ZCCHC4: variants seen among roughly 807,000 people sequenced by gnomAD.
ZCCHC4 encodes the protein zinc finger CCHC-type containing 4.
Under a neutral mutation model 67.7 loss-of-function variants are expected in ZCCHC4, and 54 were observed. The observed-to-expected ratio is 0.80, with a 90% CI of 0.64 to 1.00. The LOEUF is 1.00. ZCCHC4 is among the 50% of genes least tolerant of loss of function. The probability of loss-of-function intolerance (pLI) is 0.00; values close to 1 mark genes in which losing one functional copy is unlikely to be tolerated. For missense variants in ZCCHC4, 609 were observed against 617.0 expected, an observed-to-expected ratio of 0.99 and a Z score of 0.14; for synonymous variants, 198 against 213.5, an observed-to-expected ratio of 0.93 and a Z score of 0.63.
intron 12 of ZCCHC4, chr4:25,365,635 A>C (rs894328334): frequency 1.7e-5 from 17 of 985,870 alleles, no homozygotes; most frequent in Non-Finnish European, 2.0e-5. Context: ...AATTTTAAGA[A>C]AAATATTTAG....
chr4:25,363,836 C>T (rs943055422), intron 10 of ZCCHC4, among the ~76,000 whole-genome samples: 1 of 152,042 alleles, frequency 6.6e-6, no homozygotes, highest in African/African-American at 2.4e-5. Flanking sequence ...GACAGTCACA[C>T]AAACTAAAGA....
rs1720633746 is a variant in ZCCHC4 at position 25,359,365 on chromosome 4, GAGTT to G, written c.1012-2491_1012-2488del. Among the ~76,000 whole-genome samples the G allele has an allele frequency of 6.6e-6, 1 of 152,140 alleles. No individual in the cohort carries two copies. The highest frequency in any genetic ancestry group is 2.4e-5 in the African/African-American group (1 of 41,434). ...GGCCTGGCTACACAGCTCAGAAAAA[GAGTT>G]AGAAGCTGCCATGAATGGGGACCTC... On this transcript the variant is annotated intron_variant, in intron 8 of 12. Coordinates refer to ENST00000302874, the MANE Select transcript of ZCCHC4 (RefSeq NM_024936.3). The surrounding 1 kb of genome is among the most constrained non-coding windows in gnomAD (Gnocchi z 4.9).
At chr4:25,365,655 A>G (rs1212809787) in intron 12 of ZCCHC4, 2 of 984,896 alleles carry the variant, frequency 2.0e-6, no homozygotes, top group African/African-American at 1.7e-5. Flanking sequence ...GACATGCTTA[A>G]TGCTTAAATA....
intron 5 of ZCCHC4, among the ~76,000 whole-genome samples, chr4:25,342,628 C>A (rs1719809713): frequency 6.6e-6 from 1 of 151,956 alleles, no homozygotes; most frequent in African/African-American, 2.4e-5. Context: ...CACTTGGTAA[C>A]TGACTCTCAT....
At chr4:25,349,429 T>A in intron 6 of ZCCHC4, 63 bp from the exon 7 acceptor site, 4 of 1,535,862 alleles carry the variant, frequency 2.6e-6, no homozygotes, top group Non-Finnish European at 3.6e-6. Flanking sequence ...TGCATTCTCC[T>A]CCAAATAGGA....
intron 3 of ZCCHC4, among the ~76,000 whole-genome samples, chr4:25,317,704 CAAAAAAAAAAAAA>C (rs778867924): frequency 1.4e-5 from 1 of 72,350 alleles, no homozygotes; most frequent in African/African-American, 4.9e-5. Context: ...GACGCTGTCA[CAAAAAAAAAAAAA>C]AAAAAAAAAG....
intron 8 of ZCCHC4, 122 bp from the exon 9 acceptor site, chr4:25,361,737 C>T (rs1720747039): frequency 9.5e-7 from 1 of 1,051,818 alleles, no homozygotes; most frequent in Non-Finnish European, 1.3e-6. Flanking sequence ...GAACCTGACA[C>T]TTGGCATGAC....
chr4:25,327,322 T>C (rs1184996347), intron 3 of ZCCHC4, among the ~76,000 whole-genome samples: 1 of 152,154 alleles, frequency 6.6e-6, no homozygotes, highest in African/African-American at 2.4e-5. Context: ...AGGTTTTTCT[T>C]TGATGCCCTT....
chr4:25,344,581 G>A (rs560346598), intron 5 of ZCCHC4, among the ~76,000 whole-genome samples: 1 of 151,428 alleles, frequency 6.6e-6, no homozygotes, highest in African/African-American at 2.4e-5. Flanking sequence ...CCTGCACATT[G>A]TGCACATGTA....
intron 3 of ZCCHC4, among the ~76,000 whole-genome samples, chr4:25,327,352 C>G (rs977074442): frequency 5.3e-5 from 8 of 151,776 alleles, no homozygotes; most frequent in African/African-American, 1.9e-4. Flanking sequence ...GTAGAAGTGC[C>G]CTTCTATTTC....
intron 3 of ZCCHC4, 147 bp downstream of exon 3, chr4:25,315,547 C>A (rs1718214749): frequency 3.6e-6 from 2 of 560,256 alleles, no homozygotes; most frequent in Non-Finnish European, 2.9e-6. Flanking sequence ...TAATCATTTT[C>A]AAGTGTGCAA....
At position 25,369,582 on chromosome 4, in the gene ZCCHC4, T is replaced by C. The variant is rs1000816616; in HGVS notation, c.*418T>C. On this transcript the variant is annotated 3_prime_UTR_variant, in exon 13 of 13. Coordinates refer to ENST00000302874, the MANE Select transcript of ZCCHC4 (RefSeq NM_024936.3). ...CTGAGTAGCTGGAATTATAGGCACA[T>C]GCCACCACGACTGGCTAATTTTTGT... 1.2e-5 allele frequency: 2 copies of C among 162,714 alleles called. No homozygotes were observed. The highest frequency in any genetic ancestry group is 2.6e-5 in the Non-Finnish European group (2 of 75,710). 10.1% of individuals were successfully genotyped at this position (162,714 alleles called of 1,614,324 possible).
chr4:25,315,299 G>C lies in ZCCHC4; in HGVS notation c.247-19G>C, dbSNP rs1468069569. 1 of 1,602,522 alleles carries C rather than the reference G, an allele frequency of 6.2e-7. No homozygotes were observed. The highest frequency in any genetic ancestry group is 8.5e-7 in the Non-Finnish European group (1 of 1,174,636). On this transcript the variant is annotated intron_variant, in intron 2 of 12. Coordinates refer to ENST00000302874, the MANE Select transcript of ZCCHC4 (RefSeq NM_024936.3). Reference sequence around the variant, plus strand: ...AGATATTTCACAGTTTATTCAATGGGTTTTGTACTCTCTTTCAGTTGTCAG... The same window carrying C: ...AGATATTTCACAGTTTATTCAATGGCTTTTGTACTCTCTTTCAGTTGTCAG...
chr4:25,349,120 G>T (rs1173046235), intron 6 of ZCCHC4, among the ~76,000 whole-genome samples: 1 of 152,190 alleles, frequency 6.6e-6, no homozygotes, highest in Non-Finnish European at 1.5e-5. Flanking sequence ...TGTGTGCCCA[G>T]TGCTTAGCAC....
At chr4:25,332,834 T>C (rs559309842) in intron 3 of ZCCHC4, among the ~76,000 whole-genome samples, 1 of 152,326 alleles carries the variant, frequency 6.6e-6, no homozygotes, top group South Asian at 2.1e-4. Flanking sequence ...AGATAAAAGT[T>C]AGACATGTGG....
intron 5 of ZCCHC4, among the ~76,000 whole-genome samples, chr4:25,334,304 A>G (rs1252337532): frequency 1.3e-5 from 2 of 152,234 alleles, no homozygotes; most frequent in Non-Finnish European, 2.9e-5. Context: ...TTCAAAGATA[A>G]TTCTAAACTG....
chr4:25,360,869 CTAGTACTG>C (rs1225781638), intron 8 of ZCCHC4, among the ~76,000 whole-genome samples: 1 of 152,214 alleles, frequency 6.6e-6, no homozygotes, highest in Non-Finnish European at 1.5e-5. Flanking sequence ...GCAGTCCAAC[CTAGTACTG>C]ATACCATATG....
At position 25,333,203 on chromosome 4, in the gene ZCCHC4, T is replaced by C; in HGVS notation, c.350T>C (p.Leu117Ser). ...TGAAGGTACTTGAAGTTTATTGAGTTGCCCTTGACTCAGAGAAAGTTTTGT... is the reference window on the plus strand; with the variant it reads ...TGAAGGTACTTGAAGTTTATTGAGTCGCCCTTGACTCAGAGAAAGTTTTGT... ...CVERYLKFIE[L>S]PLTQRKFCQT... The change falls in exon 4 of 13, where the codon TTG becomes TCG. Residue 117 changes from leucine (L) to serine (S), a missense_variant. By Grantham distance (145) the Leu-to-Ser change is moderately radical. Coordinates refer to ENST00000302874, the MANE Select transcript of ZCCHC4 (RefSeq NM_024936.3). 6.2e-7 allele frequency: 1 copy of C among 1,613,572 alleles called. No individual in the cohort carries two copies. The highest frequency in any genetic ancestry group is 2.2e-5 in the East Asian group (1 of 44,868).
chr4:25,352,141 T>G (rs1720330066), intron 8 of ZCCHC4: 2 of 985,878 alleles, frequency 2.0e-6, no homozygotes, highest in African/African-American at 3.5e-5. Context: ...GCATCACTCT[T>G]GGGATGTCAG....
Sources: gnomAD v4.1 joint callset for allele counts (sites outside exome capture counted in the v4.1 genomes callset) on GRCh38, gnomAD v4.1.1 for gene constraint, Gnocchi (gnomAD v3.1) non-coding constraint, MANE v1.5 for transcripts, NCBI Gene and HGNC (gene_info 2026-07-23, HGNC 2026-07-21) for gene names.